Variants in NCAM1 observed in about 807,000 individuals in gnomAD.
The protein encoded by NCAM1 is neural cell adhesion molecule 1, also known as antigen recognized by monoclonal antibody 5.1H11.
Under a neutral mutation model 109.8 loss-of-function variants are expected in NCAM1, and 14 were observed. That is an observed-to-expected ratio of 0.13 (90% CI 0.08 to 0.20). The LOEUF (loss-of-function observed/expected upper bound fraction) is 0.20, where lower values mean the gene tolerates loss of function less well. Ranked by LOEUF, NCAM1 falls within the 10% of genes least tolerant of loss-of-function variation. The probability of loss-of-function intolerance (pLI) is 1.00; values close to 1 mark genes in which losing one functional copy is unlikely to be tolerated. For synonymous variants in NCAM1, 418 were observed against 442.9 expected, an observed-to-expected ratio of 0.94 and a Z score of 0.70; for missense variants, 774 against 1,109.9, an observed-to-expected ratio of 0.70 and a Z score of 4.30.
chr11:113,098,515 C>G (rs1939712035), intron 1 of NCAM1, among the ~76,000 whole-genome samples: 1 of 151,978 alleles, frequency 6.6e-6, no homozygotes, highest in Admixed American at 6.6e-5. Flanking sequence ...ATGTAGAACC[C>G]ATGGATATGG....
intron 1 of NCAM1, among the ~76,000 whole-genome samples, chr11:112,984,879 C>T (rs1010780970): frequency 2.6e-5 from 4 of 151,870 alleles, no homozygotes; most frequent in African/African-American, 9.7e-5. Flanking sequence ...GTTTCCTTTG[C>T]TGTGCAGGAA....
chr11:113,233,343 A>G lies in NCAM1; in HGVS notation c.1693+26A>G. The G allele has an allele frequency of 1.2e-6, 2 of 1,602,936 alleles. No homozygotes were observed. The highest frequency in any genetic ancestry group is 8.5e-7 in the Non-Finnish European group (1 of 1,174,498). On this transcript the variant is annotated intron_variant, in intron 13 of 19. Transcript: ENST00000316851. The surrounding 1 kb of genome is among the most constrained non-coding windows in gnomAD (Gnocchi z 4.5). ...GTGAGTTGGGCGAGTTGGTGTTTCCATTGGGATCATGAGTGCCTCAGTACT... is the reference window on the plus strand; with the variant it reads ...GTGAGTTGGGCGAGTTGGTGTTTCCGTTGGGATCATGAGTGCCTCAGTACT...
chr11:113,156,547 G>A (rs1942414290), intron 1 of NCAM1, among the ~76,000 whole-genome samples: 1 of 152,166 alleles, frequency 6.6e-6, no homozygotes, highest in South Asian at 2.1e-4. Flanking sequence ...GGGGTGGCAT[G>A]AGAAAGGCTC....
intron 17 of NCAM1, chr11:113,264,697 C>G: frequency 1.0e-6 from 1 of 985,410 alleles, no homozygotes; most frequent in Non-Finnish European, 1.2e-6. Context: ...CTGAAGGGAC[C>G]CTTTGGAGAT....
At chr11:113,057,345 A>G (rs1369392306) in intron 1 of NCAM1, among the ~76,000 whole-genome samples, 1 of 151,984 alleles carries the variant, frequency 6.6e-6, no homozygotes, top group Non-Finnish European at 1.5e-5. Flanking sequence ...GTGAGGGATG[A>G]CATACTGTAC....
At chr11:112,965,747 C>T (rs1383498880) in intron 1 of NCAM1, among the ~76,000 whole-genome samples, 2 of 152,156 alleles carry the variant, frequency 1.3e-5, no homozygotes, top group Non-Finnish European at 2.9e-5. Flanking sequence ...GGCTGCTCTC[C>T]AGACTGAAAG....
intron 1 of NCAM1, among the ~76,000 whole-genome samples, chr11:113,029,803 A>T (rs1472588206): frequency 6.6e-6 from 1 of 152,200 alleles, no homozygotes; most frequent in Non-Finnish European, 1.5e-5. Flanking sequence ...TACTGTGATT[A>T]AAAAAATTTA....
Position 113,277,643 on chromosome 11 carries a change from G to C in NCAM1, c.*2256G>C, listed in dbSNP as rs74800806. 7 of 387,426 alleles carry C rather than the reference G, an allele frequency of 1.8e-5. No homozygotes were observed. The East Asian group carries it at 2.6e-4, about 14-fold the overall frequency. The allele number at this position is 387,426 out of a possible 1,614,324, so 24.0% of individuals were successfully genotyped here. ...GCCCATGCCATACCTTGTCAAGACT[G>C]TCAAAGTGGTTGTGGTTAGGTCAAA... On this transcript the variant is annotated 3_prime_UTR_variant, in exon 20 of 20. Transcript: ENST00000316851.
chr11:113,127,964 G>A (rs1941243110), intron 1 of NCAM1, among the ~76,000 whole-genome samples: 1 of 152,178 alleles, frequency 6.6e-6, no homozygotes, highest in African/African-American at 2.4e-5. Context: ...TTATCACATG[G>A]GGCGTGGCTG....
At chr11:113,034,268 C>T (rs1456413848) in intron 1 of NCAM1, among the ~76,000 whole-genome samples, 1 of 148,764 alleles carries the variant, frequency 6.7e-6, no homozygotes, top group African/African-American at 2.5e-5. Flanking sequence ...TCCTTGAGGA[C>T]AATAGACTTT....
intron 1 of NCAM1, among the ~76,000 whole-genome samples, chr11:113,086,610 C>G (rs571616854): frequency 1.5e-4 from 23 of 152,280 alleles, no homozygotes; most frequent in Middle Eastern, 3.4e-3. Flanking sequence ...ATTACTGAGG[C>G]ATTTCACTGT....
chr11:113,260,878 A>G (rs1945972576), intron 17 of NCAM1, among the ~76,000 whole-genome samples: 1 of 152,206 alleles, frequency 6.6e-6, no homozygotes, highest in African/African-American at 2.4e-5. Flanking sequence ...GTAATAGAAC[A>G]AGTGGAGAAA....
intron 1 of NCAM1, among the ~76,000 whole-genome samples, chr11:113,091,321 CT>C (rs1187908231): frequency 6.6e-6 from 1 of 152,152 alleles, no homozygotes; most frequent in East Asian, 1.9e-4. Context: ...CTGCTGCTTT[CT>C]GCCAGGGATA....
chr11:113,275,339 G>T lies in NCAM1; in HGVS notation c.2529G>T (p.Thr843=), dbSNP rs781998057. The change falls in exon 20 of 20, where the codon ACG becomes ACT. Residue 843 remains threonine, a synonymous_variant. Transcript: ENST00000316851. ...AGCCAGCGCCAGCCGAAGTCAAGAC[G>T]GTCCCCAATGACGCCACACAGACAA... ...ETKPAPAEVK[T]VPNDATQTKE... 3 of 1,613,368 alleles carry T rather than the reference G, an allele frequency of 1.9e-6. No homozygotes were observed. The highest frequency in any genetic ancestry group is 2.5e-6 in the Non-Finnish European group (3 of 1,179,740).
intron 1 of NCAM1, among the ~76,000 whole-genome samples, chr11:113,128,736 G>A (rs1941276068): frequency 6.6e-6 from 1 of 152,072 alleles, no homozygotes; most frequent in African/African-American, 2.4e-5. Flanking sequence ...TTTTTAGCAG[G>A]GTCAACTTGG....
intron 1 of NCAM1, among the ~76,000 whole-genome samples, chr11:113,084,308 C>T (rs1565426520): frequency 6.6e-6 from 1 of 152,194 alleles, no homozygotes; most frequent in Admixed American, 6.5e-5. Flanking sequence ...TTCTATCTAT[C>T]TAACATTGTC....
At chr11:113,148,211 C>T (rs1942089793) in intron 1 of NCAM1, among the ~76,000 whole-genome samples, 1 of 152,118 alleles carries the variant, frequency 6.6e-6, no homozygotes, top group Non-Finnish European at 1.5e-5. Context: ...GCAGGTGTGG[C>T]TCCCAGCAGC....
At chr11:113,186,290 G>A (rs533333932) in intron 1 of NCAM1, among the ~76,000 whole-genome samples, 33 of 152,206 alleles carry the variant, frequency 2.2e-4, no homozygotes, top group African/African-American at 4.6e-4. Flanking sequence ...TCATAGAAGT[G>A]CGTGCGAGGG....
At chr11:113,163,627 AG>A (rs1304013626) in intron 1 of NCAM1, among the ~76,000 whole-genome samples, 2 of 152,174 alleles carry the variant, frequency 1.3e-5, no homozygotes, top group Non-Finnish European at 2.9e-5. Flanking sequence ...GCCAGTAGGG[AG>A]TGCCCTTTGC....
Sources: allele counts gnomAD v4.1 joint callset (sites outside exome capture counted in the v4.1 genomes callset), GRCh38; gene constraint gnomAD v4.1.1; non-coding constraint Gnocchi (gnomAD v3.1); transcripts MANE v1.5; gene names NCBI Gene and HGNC (gene_info 2026-07-23, HGNC 2026-07-21).